The following PIBF1 variants were observed in gnomAD, a reference collection of about 807,000 sequenced individuals.
PIBF1 encodes the protein progesterone-induced-blocking factor 1.
Under a neutral mutation model 112.5 loss-of-function variants are expected in PIBF1, and 90 were observed. That is an observed-to-expected ratio of 0.80 (90% CI 0.67 to 0.95). PIBF1 has a LOEUF of 0.95. PIBF1 is among the 40% of genes least tolerant of loss of function. The pLI, the probability that PIBF1 is intolerant of heterozygous loss-of-function variation, is 0.00. For missense variants in PIBF1, 915 were observed against 852.3 expected (o/e 1.07, Z -0.92); for synonymous variants, 301 against 288.6 (o/e 1.04, Z -0.44).
At chr13:72,880,264 T>C (rs2039571986) in intron 10 of PIBF1, among the ~76,000 whole-genome samples, 1 of 152,224 alleles carries the variant, frequency 6.6e-6, no homozygotes, top group Admixed American at 6.5e-5. Context: ...ATTCTGTGCT[T>C]CCAAAATTCC....
intron 11 of PIBF1, among the ~76,000 whole-genome samples, chr13:72,907,983 A>G (rs1422844762): frequency 6.6e-6 from 1 of 152,164 alleles, no homozygotes; most frequent in East Asian, 1.9e-4. Context: ...TTGTTCACAA[A>G]GGCATTTTCT....
intron 14 of PIBF1, among the ~76,000 whole-genome samples, 197 bp from the exon 15 acceptor site, chr13:72,965,068 GAAAACAAAA>G (rs1296807264): frequency 6.7e-6 from 1 of 148,612 alleles, no homozygotes; most frequent in African/African-American, 2.4e-5. Flanking sequence ...TCAAAAAAAA[GAAAACAAAA>G]AAAATTATTG....
chr13:72,998,404 G>T (rs2043749634), intron 16 of PIBF1, among the ~76,000 whole-genome samples: 1 of 151,836 alleles, frequency 6.6e-6, no homozygotes, highest in Admixed American at 6.6e-5. Context: ...GAGCCCAGGA[G>T]GTAGAGGCTG....
chr13:72,827,857 A>G lies in PIBF1; in HGVS notation c.1040A>G (p.Gln347Arg). Residue 347 changes from glutamine to arginine, a missense_variant, in exon 8 of 18, where the codon CAA becomes CGA. By Grantham distance (43) the Gln-to-Arg change is conservative. Transcript: ENST00000326291. ...GATCGCCTTGAAAGACTTCAAGCTCAACTGGAAGAAAGCAAAAAGGCTAGA... is the reference window on the plus strand; with the variant it reads ...GATCGCCTTGAAAGACTTCAAGCTCGACTGGAAGAAAGCAAAAAGGCTAGA... ...EEDRLERLQA[Q>R]LEESKKAREE... 6.3e-7 allele frequency: 1 copy of G among 1,593,428 alleles called. No homozygotes were observed. The highest frequency in any genetic ancestry group is 8.5e-7 in the Non-Finnish European group (1 of 1,169,768).
chr13:72,913,709 CTG>C (rs1010764596), intron 12 of PIBF1, among the ~76,000 whole-genome samples: 11 of 151,674 alleles, frequency 7.3e-5, no homozygotes, highest in African/African-American at 2.7e-4. Context: ...GCTGCAGTGA[CTG>C]TGTTCACGCC....
chr13:72,793,930 G>A (rs531576982), intron 3 of PIBF1, among the ~76,000 whole-genome samples: 10 of 152,156 alleles, frequency 6.6e-5, no homozygotes, highest in Non-Finnish European at 1.2e-4. Flanking sequence ...GAAAAGTCTC[G>A]TGTAGAGGTA....
At chr13:72,986,485 T>C (rs2043290780) in intron 16 of PIBF1, among the ~76,000 whole-genome samples, 1 of 152,134 alleles carries the variant, frequency 6.6e-6, no homozygotes, top group Admixed American at 6.5e-5. Context: ...TAGCTTCTTA[T>C]CTGGATCACT....
chr13:72,869,646 AT>A (rs1451650726), intron 10 of PIBF1, among the ~76,000 whole-genome samples: 2 of 151,856 alleles, frequency 1.3e-5, no homozygotes, highest in Non-Finnish European at 2.9e-5. Flanking sequence ...TAATAAAAAA[AT>A]AAAAAATAAA....
intron 5 of PIBF1, among the ~76,000 whole-genome samples, chr13:72,806,379 T>TA (rs1273031454): frequency 6.6e-6 from 1 of 152,042 alleles, no homozygotes; most frequent in Non-Finnish European, 1.5e-5. Context: ...ATTTTCTTTT[T>TA]TTTTTTTATT....
At chr13:72,988,097 G>A (rs1388085742) in intron 16 of PIBF1, among the ~76,000 whole-genome samples, 4 of 151,046 alleles carry the variant, frequency 2.6e-5, no homozygotes, top group East Asian at 2.0e-4. Flanking sequence ...TCTTGACCTC[G>A]TGATCCACCC....
intron 15 of PIBF1, among the ~76,000 whole-genome samples, chr13:72,972,187 C>T (rs1033151003): frequency 5.3e-5 from 8 of 151,680 alleles, no homozygotes; most frequent in African/African-American, 1.9e-4. Context: ...GTGCATGTCT[C>T]CACACCTGGC....
intron 15 of PIBF1, among the ~76,000 whole-genome samples, chr13:72,966,515 G>A (rs2042742364): frequency 6.6e-6 from 1 of 152,134 alleles, no homozygotes; most frequent in Non-Finnish European, 1.5e-5. Flanking sequence ...TAGAAATTAT[G>A]TCTTTCACAA....
At chr13:72,951,282 T>TA (rs1191672772) in intron 14 of PIBF1, among the ~76,000 whole-genome samples, 2 of 152,168 alleles carry the variant, frequency 1.3e-5, no homozygotes, top group Non-Finnish European at 2.9e-5. Context: ...TGGGAAGCAG[T>TA]AACAAGTATT....
At chr13:72,970,703 T>A (rs1277878034) in intron 15 of PIBF1, 3 of 152,184 alleles carry the variant, frequency 2.0e-5, no homozygotes, top group Admixed American at 6.5e-5. Context: ...CTTTGTATTT[T>A]CAAAGGTAAG....
chr13:72,825,613 G>C (rs577132457), intron 6 of PIBF1, among the ~76,000 whole-genome samples: 47 of 152,186 alleles, frequency 3.1e-4, no homozygotes, highest in South Asian at 2.3e-3. Context: ...AGGTTGTGGG[G>C]GTGGGTCTGG....
chr13:72,902,467 A>T (rs2040530983), intron 11 of PIBF1, among the ~76,000 whole-genome samples: 1 of 152,086 alleles, frequency 6.6e-6, no homozygotes, highest in Non-Finnish European at 1.5e-5. Context: ...TAGTCTCTGC[A>T]TCAGTAGGCA....
intron 14 of PIBF1, among the ~76,000 whole-genome samples, chr13:72,959,193 G>A (rs549901941): frequency 9.1e-4 from 138 of 151,944 alleles, no homozygotes; most frequent in Non-Finnish European, 1.8e-3. Flanking sequence ...ACGGGGTTTT[G>A]CCATGTTGGC....
At chr13:72,883,707 C>G (rs1279954492) in intron 10 of PIBF1, among the ~76,000 whole-genome samples, 1 of 152,188 alleles carries the variant, frequency 6.6e-6, no homozygotes, top group Non-Finnish European at 1.5e-5. Context: ...AGGCTGGCCT[C>G]AAACTCCTGA....
At chr13:72,795,243 A>G in intron 3 of PIBF1, 116 bp from the exon 4 acceptor site, 1 of 678,898 alleles carries the variant, frequency 1.5e-6, no homozygotes, top group Non-Finnish European at 2.6e-6. Flanking sequence ...GAGTAAGTAA[A>G]TAATACTGTC....
Sources: allele counts gnomAD v4.1 joint callset (sites outside exome capture counted in the v4.1 genomes callset), GRCh38; gene constraint gnomAD v4.1.1; transcripts MANE v1.5; gene names NCBI Gene and HGNC (gene_info 2026-07-23, HGNC 2026-07-21).